Variants in ITGB6 observed in about 807,000 individuals in gnomAD.
ITGB6 encodes integrin subunit beta 6.
ITGB6 carries 80 observed loss-of-function variants against 84.5 expected under a neutral mutation model. The observed-to-expected ratio is 0.95, with a 90% CI of 0.79 to 1.14. The LOEUF (loss-of-function observed/expected upper bound fraction) is 1.14. Among genes scored for constraint, ITGB6 ranks in the 50% most tolerant of loss-of-function variants. The pLI, the probability that ITGB6 is intolerant of heterozygous loss-of-function variation, is 0.00. For synonymous variants in ITGB6, 383 were observed against 354.9 expected (o/e 1.08, Z -0.89); for missense variants, 1,006 against 968.0 (o/e 1.04, Z -0.52).
At chr2:160,113,892 C>G (rs966997319) in intron 12 of ITGB6, among the ~76,000 whole-genome samples, 1 of 152,124 alleles carries the variant, frequency 6.6e-6, no homozygotes, top group Admixed American at 6.6e-5. Flanking sequence ...TTCATGAAGT[C>G]TTGGGGACTA....
chr2:160,152,336 A>G (rs2105840275), intron 7 of ITGB6, among the ~76,000 whole-genome samples: 1 of 152,342 alleles, frequency 6.6e-6, no homozygotes, highest in African/African-American at 2.4e-5. Context: ...AAACAGAATC[A>G]ATGACAAAAA....
intron 4 of ITGB6, among the ~76,000 whole-genome samples, chr2:160,190,430 A>T (rs899220656): frequency 2.6e-5 from 4 of 152,200 alleles, no homozygotes; most frequent in Admixed American, 6.5e-5. Flanking sequence ...TTGAGAGATG[A>T]AATGATTCAC....
intron 7 of ITGB6, among the ~76,000 whole-genome samples, chr2:160,162,688 G>A (rs773658588): frequency 2.0e-5 from 3 of 152,052 alleles, no homozygotes; most frequent in Non-Finnish European, 2.9e-5. Context: ...GTGCGATCTC[G>A]GCTCACTGCA....
intron 10 of ITGB6, among the ~76,000 whole-genome samples, chr2:160,134,007 T>A (rs1390288759): frequency 6.6e-6 from 1 of 151,990 alleles, no homozygotes; most frequent in Non-Finnish European, 1.5e-5. Flanking sequence ...TAGAGAAGCA[T>A]GAGCAAACAC....
chr2:160,177,570 CA>C (rs1330102516), intron 4 of ITGB6, among the ~76,000 whole-genome samples: 274 of 129,824 alleles, frequency 2.1e-3, no homozygotes, highest in East Asian at 2.9e-3. Flanking sequence ...GATTCTGTCT[CA>C]AAAAAAAAAA....
At chr2:160,102,447 C>G (rs1324054573) in intron 14 of ITGB6, among the ~76,000 whole-genome samples, 1 of 152,196 alleles carries the variant, frequency 6.6e-6, no homozygotes, top group Non-Finnish European at 1.5e-5. Context: ...GCCAAAGAAC[C>G]AGCTGTCTTT....
chr2:160,133,171 C>T (rs1329008913), intron 10 of ITGB6, among the ~76,000 whole-genome samples: 1 of 152,110 alleles, frequency 6.6e-6, no homozygotes, highest in Non-Finnish European at 1.5e-5. Context: ...GGAAACCCAT[C>T]TCACTGCAAA....
chr2:160,198,173 C>T (rs1297991258), intron 2 of ITGB6, among the ~76,000 whole-genome samples: 1 of 152,164 alleles, frequency 6.6e-6, no homozygotes, highest in Non-Finnish European at 1.5e-5. Flanking sequence ...TGTATATTCT[C>T]AATCCTGCTT....
intron 12 of ITGB6, among the ~76,000 whole-genome samples, chr2:160,121,565 C>T (rs538500274): frequency 1.3e-5 from 2 of 152,174 alleles, no homozygotes; most frequent in African/African-American, 4.8e-5. Flanking sequence ...CGGGCAGATG[C>T]CTTGAGCTCA....
chr2:160,177,515 G>C (rs950807839), intron 4 of ITGB6, among the ~76,000 whole-genome samples: 6 of 151,374 alleles, frequency 4.0e-5, no homozygotes, highest in African/African-American at 1.5e-4. Flanking sequence ...AGCTTGCAGT[G>C]AGCCCAGATC....
intron 14 of ITGB6, among the ~76,000 whole-genome samples, 158 bp downstream of exon 14, chr2:160,107,521 A>T (rs1230189069): frequency 6.6e-6 from 1 of 152,170 alleles, no homozygotes; most frequent in Admixed American, 6.6e-5. Flanking sequence ...TTTGCCCCTG[A>T]AGCAGAACAG....
intron 5 of ITGB6, among the ~76,000 whole-genome samples, chr2:160,173,189 G>A (rs978608357): frequency 5.9e-5 from 9 of 152,266 alleles, no homozygotes; most frequent in African/African-American, 1.7e-4. Flanking sequence ...TCTTTCCAAT[G>A]ATGTCATCCA....
At position 160,164,215 on chromosome 2, in the gene ITGB6, C is replaced by T. The variant is rs187447411; in HGVS notation, c.1017+4997G>A. 2.2e-4 allele frequency among the ~76,000 whole-genome samples: 34 copies of T among 152,264 alleles called. No homozygotes were observed. The East Asian group carries it at 4.2e-3, about 19-fold the overall frequency. ...CTGAGACTTCTTAAGGCAGGCACTA[C>T]GTCTTATTCTTCTCTATAGTCACAA... On this transcript the variant is annotated intron_variant, in intron 7 of 14. Transcript: ENST00000283249.
chr2:160,112,293 G>A (rs17283292), intron 12 of ITGB6, 94 bp from the exon 13 acceptor site: 23,004 of 1,193,810 alleles, frequency 0.019, 287 homozygotes, highest in Non-Finnish European at 0.023. Flanking sequence ...ATGTAAATTA[G>A]AGTTTTCAAT....
intron 12 of ITGB6, among the ~76,000 whole-genome samples, chr2:160,121,596 C>T (rs1683042123): frequency 6.6e-6 from 1 of 151,958 alleles, no homozygotes; most frequent in Non-Finnish European, 1.5e-5. Flanking sequence ...CCAGCCTGGC[C>T]AACATGGCAA....
intron 11 of ITGB6, among the ~76,000 whole-genome samples, chr2:160,125,277 A>G (rs929093366): frequency 2.0e-5 from 3 of 152,242 alleles, no homozygotes; most frequent in African/African-American, 7.2e-5. Context: ...AATAAATGGA[A>G]AAATGGACTC....
At chr2:160,147,076 C>A in intron 7 of ITGB6, among the ~76,000 whole-genome samples, 1 of 137,100 alleles carries the variant, frequency 7.3e-6, no homozygotes. Context: ...AGAGTGAGAC[C>A]TTGCCTCAGA....
intron 12 of ITGB6, among the ~76,000 whole-genome samples, chr2:160,117,388 A>C (rs1574046152): frequency 1.3e-5 from 2 of 151,990 alleles, no homozygotes; most frequent in African/African-American, 4.8e-5. Flanking sequence ...CTACATGGAA[A>C]CTGAACAACC....
intron 4 of ITGB6, among the ~76,000 whole-genome samples, chr2:160,178,670 T>TTCTC (rs1169328146): frequency 5.5e-5 from 7 of 126,460 alleles, no homozygotes; most frequent in African/African-American, 1.0e-4. Context: ...CTCTCTATCT[T>TTCTC]TCTCTCTCTC....
Sources: allele counts gnomAD v4.1 joint callset (sites outside exome capture counted in the v4.1 genomes callset), GRCh38; gene constraint gnomAD v4.1.1; transcripts MANE v1.5; gene names NCBI Gene and HGNC (gene_info 2026-07-23, HGNC 2026-07-21).